Variants in COL4A2 observed in about 807,000 individuals in gnomAD.
The protein encoded by COL4A2 is collagen alpha-2(IV) chain.
COL4A2 carries 99 observed loss-of-function variants against 200.2 expected under a neutral mutation model. The ratio of observed to expected loss-of-function variants is 0.49; its 90% CI spans 0.42 to 0.58. The LOEUF is 0.58. COL4A2 is among the 20% of genes least tolerant of loss of function. The probability of loss-of-function intolerance (pLI) is 0.00; values close to 1 mark genes in which losing one functional copy is unlikely to be tolerated. For missense variants in COL4A2, 1,950 were observed against 2,314.1 expected, an observed-to-expected ratio of 0.84 and a Z score of 3.23; for synonymous variants, 897 against 900.6, an observed-to-expected ratio of 1.00 and a Z score of 0.07.
At chr13:110,474,679 A>ACACG (rs1882614353) in intron 29 of COL4A2, among the ~76,000 whole-genome samples, 1 of 138,130 alleles carries the variant, frequency 7.2e-6, no homozygotes, top group Non-Finnish European at 1.6e-5. Flanking sequence ...CACTCCTTAC[A>ACACG]CACGTACCCA....
At chr13:110,431,079 G>A (rs1042156992) in intron 10 of COL4A2, among the ~76,000 whole-genome samples, 1 of 152,202 alleles carries the variant, frequency 6.6e-6, no homozygotes, top group Non-Finnish European at 1.5e-5. Context: ...TTGCAAGTAG[G>A]GAAGAGCAGA....
intron 26 of COL4A2, among the ~76,000 whole-genome samples, chr13:110,466,615 A>G (rs961746899): frequency 1.3e-5 from 2 of 152,220 alleles, no homozygotes; most frequent in African/African-American, 2.4e-5. Context: ...GAAAGTAAAC[A>G]AAGTCACAAA....
At chr13:110,455,947 C>T (rs1354054271) in intron 20 of COL4A2, among the ~76,000 whole-genome samples, 1 of 152,198 alleles carries the variant, frequency 6.6e-6, no homozygotes, top group Non-Finnish European at 1.5e-5. Context: ...CCCATTGGAG[C>T]TCTGGCCCTA....
intron 4 of COL4A2, among the ~76,000 whole-genome samples, chr13:110,391,858 G>A (rs1294224766): frequency 1.3e-5 from 2 of 152,170 alleles, no homozygotes; most frequent in Non-Finnish European, 2.9e-5. Flanking sequence ...GTGGACTGCT[G>A]GTTCTCTTCA....
At position 110,473,035 on chromosome 13, in the gene COL4A2, G is replaced by T; in HGVS notation, c.2310G>T (p.Arg770Ser). ...GGCCAGATGGGCCCCCTGGGGAAAG[G>T]GGCCTCCCTGGAGAAGTCCTGGGAG... is the stretch of plus-strand genomic sequence containing the variant. ...LPGPDGPPGE[R>S]GLPGEVLGAQ... The change falls in exon 29 of 48, where the codon AGG (arginine) becomes AGT (serine). Residue 770 changes from arginine to serine, a missense_variant. Physicochemically the swap from Arg to Ser is moderately radical, Grantham distance 110. Transcript: ENST00000360467. The T allele has an allele frequency of 6.6e-7, 1 of 1,513,714 alleles. No homozygotes were observed. The highest frequency in any genetic ancestry group is 1.4e-5 in the African/African-American group (1 of 71,204). The allele number at this position is 1,513,714 out of a possible 1,614,324, so 93.8% of individuals were successfully genotyped here. A position where few individuals can be genotyped will look rare whatever the true frequency, so the allele number is the denominator to read the frequency against.
intron 4 of COL4A2, among the ~76,000 whole-genome samples, chr13:110,422,652 C>G (rs1214012483): frequency 1.3e-5 from 2 of 152,154 alleles, no homozygotes; most frequent in Non-Finnish European, 2.9e-5. Flanking sequence ...TTCCCAGCTC[C>G]CCTTGGTTTG....
intron 32 of COL4A2, 54 bp from the exon 33 acceptor site, chr13:110,484,851 T>C: frequency 6.5e-7 from 1 of 1,533,418 alleles, no homozygotes; most frequent in South Asian, 1.2e-5. Context: ...TCACCTGTGT[T>C]CTCCTGCGTG....
intron 4 of COL4A2, among the ~76,000 whole-genome samples, chr13:110,385,485 G>A (rs1878663924): frequency 6.9e-6 from 1 of 144,236 alleles, no homozygotes; most frequent in Admixed American, 7.1e-5. Context: ...TACAGTGTGT[G>A]GATAGGCCGT....
At chr13:110,459,593 C>T (rs1282310231) in intron 22 of COL4A2, 2 of 151,662 alleles carry the variant, frequency 1.3e-5, no homozygotes, top group Non-Finnish European at 2.9e-5. Context: ...GTGGGGAGTA[C>T]CTGCTTAATG....
Position 110,512,043 on chromosome 13 carries a change from C to T in COL4A2, c.4991C>T (p.Thr1664Ile). ...ATCGAATGCAATGGAGGCCGCGGCA[C>T]CTGCCACTACTACGCCAACAAGTAC... Reference protein sequence around the residue: ...PFIECNGGRGTCHYYANKYSF... With the variant: ...PFIECNGGRGICHYYANKYSF... Residue 1664 changes from threonine (T) to isoleucine (I), a missense_variant, in exon 48 of 48, where the codon ACC becomes ATC. Thr to Ile is a moderately conservative substitution (Grantham distance 89). Transcript: ENST00000360467. 2 of 1,613,786 alleles carry T rather than the reference C, an allele frequency of 1.2e-6. No individual in the cohort carries two copies. The highest frequency in any genetic ancestry group is 1.1e-5 in the South Asian group (1 of 91,090).
chr13:110,342,696 C>G (rs909939561), intron 3 of COL4A2, among the ~76,000 whole-genome samples: 24 of 152,164 alleles, frequency 1.6e-4, no homozygotes, highest in Non-Finnish European at 3.1e-4. Flanking sequence ...AAGACCGCCC[C>G]CACGAAACAT....
Position 110,424,965 on chromosome 13 carries a change from G to A in COL4A2, c.328G>A (p.Val110Ile), listed in dbSNP as rs537746077. 99 of 1,614,204 alleles carry A rather than the reference G, an allele frequency of 6.1e-5. No individual in the cohort carries two copies. The highest frequency in any genetic ancestry group is 4.3e-4 in the Admixed American group (26 of 60,028). The stretch of plus-strand genomic sequence containing the variant: ...GCTTTCTTCATAGGGAGCAAGAGGC[G>A]TTTCTGGATTCCCTGGTGCCGATGG... Reference protein sequence around the residue: ...GPKGDVGARGVSGFPGADGIP... With the variant: ...GPKGDVGARGISGFPGADGIP... The change falls in exon 6 of 48, where the codon GTT becomes ATT. Residue 110 changes from valine (V) to isoleucine (I), a missense_variant. Around this residue, in one of 2 missense-constraint regions of COL4A2, gnomAD observed 565 missense variants for 593.5 expected, o/e 0.95. Transcript: ENST00000360467.
intron 46 of COL4A2, among the ~76,000 whole-genome samples, 159 bp downstream of exon 46, chr13:110,506,765 G>A (rs980203501): frequency 2.6e-5 from 4 of 152,192 alleles, no homozygotes; most frequent in Non-Finnish European, 4.4e-5. Flanking sequence ...AGATTAAAAC[G>A]GCCTTTGAAG....
Position 110,491,322 on chromosome 13 carries a change from G to T in COL4A2, c.3436G>T (p.Gly1146Ter). The T allele has an allele frequency of 6.3e-7, 1 of 1,586,734 alleles. No individual in the cohort carries two copies. The highest frequency in any genetic ancestry group is 8.6e-7 in the Non-Finnish European group (1 of 1,164,930). Reference protein sequence around the residue: ...TGVTGVQGPPGLKGQTGFPGL... With the variant: ...TGVTGVQGPP Reference sequence around the variant, plus strand: ...CGTGACTGGAGTCCAAGGCCCTCCTGGACTTAAAGGACAAACAGGTAAAAT... The same window carrying T: ...CGTGACTGGAGTCCAAGGCCCTCCTTGACTTAAAGGACAAACAGGTAAAAT... Residue 1146 changes from glycine (G) to a stop codon, truncating the protein, a stop_gained, in exon 37 of 48, where the codon GGA (glycine) becomes TGA (stop). Transcript: ENST00000360467. LOFTEE classifies it high-confidence loss of function.
At chr13:110,423,251 T>G (rs550754236) in intron 4 of COL4A2, among the ~76,000 whole-genome samples, 9 of 100,260 alleles carry the variant, frequency 9.0e-5, no homozygotes, top group South Asian at 3.4e-4. Context: ...GAGATAGAAC[T>G]TCCCCTCCCC....
intron 19 of COL4A2, 91 bp from the exon 20 acceptor site, chr13:110,450,214 A>T: frequency 9.2e-7 from 1 of 1,088,506 alleles, no homozygotes; most frequent in Non-Finnish European, 1.4e-6. Context: ...GAAGCCCGCT[A>T]GTGCCCCAGT....
intron 21 of COL4A2, chr13:110,457,716 T>C (rs1388345963): frequency 1.5e-5 from 9 of 592,154 alleles, no homozygotes; most frequent in Non-Finnish European, 2.6e-5. Context: ...TGCTGAGTCC[T>C]GTGCTGGGTT....
At chr13:110,446,076 G>A (rs1220975165) in intron 17 of COL4A2, among the ~76,000 whole-genome samples, 194 bp downstream of exon 17, 1 of 152,236 alleles carries the variant, frequency 6.6e-6, no homozygotes, top group Non-Finnish European at 1.5e-5. Flanking sequence ...CTGCCAGGGA[G>A]AAGGGTGCCA....
intron 29 of COL4A2, among the ~76,000 whole-genome samples, chr13:110,477,523 T>C (rs1326243029): frequency 6.6e-6 from 1 of 152,046 alleles, no homozygotes; most frequent in East Asian, 1.9e-4. Context: ...TGGATAAACA[T>C]AGCAAAAAAA....
Sources: allele counts gnomAD v4.1 joint callset (sites outside exome capture counted in the v4.1 genomes callset), GRCh38; gene constraint gnomAD v4.1.1; regional missense constraint gnomAD v4.1.1; transcripts MANE v1.5; gene names NCBI Gene and HGNC (gene_info 2026-07-23, HGNC 2026-07-21).